ARID5B: variants seen among roughly 807,000 people sequenced by gnomAD.
The protein encoded by ARID5B is AT-rich interaction domain 5B.
A neutral mutation model predicts 97.2 loss-of-function variants in ARID5B; 13 were observed. The ratio of observed to expected loss-of-function variants is 0.13; its 90% CI spans 0.09 to 0.21. The LOEUF (loss-of-function observed/expected upper bound fraction) is 0.21. ARID5B is among the 10% of genes least tolerant of loss of function. The pLI is 1.00. For synonymous variants in ARID5B, 556 were observed against 570.3 expected (o/e 0.97, Z 0.36); for missense variants, 1,210 against 1,465.3 (o/e 0.83, Z 2.84).
At chr10:62,071,807 C>T (rs1343447740) in intron 8 of ARID5B, among the ~76,000 whole-genome samples, 2 of 152,028 alleles carry the variant, frequency 1.3e-5, no homozygotes, top group East Asian at 3.9e-4. Context: ...CTCTTCTCTC[C>T]CTATTCTTGG....
At chr10:61,950,559 A>T (rs1001640291) in intron 3 of ARID5B, among the ~76,000 whole-genome samples, 2 of 152,124 alleles carry the variant, frequency 1.3e-5, no homozygotes, top group African/African-American at 4.8e-5. Context: ...AGCCCCAGCT[A>T]CTCAGGAGGC....
chr10:61,964,409 G>T (rs1342554913), intron 3 of ARID5B, among the ~76,000 whole-genome samples: 2 of 152,116 alleles, frequency 1.3e-5, no homozygotes, highest in Non-Finnish European at 2.9e-5. Context: ...TTAACCCAGG[G>T]GCAGGAATCT....
At chr10:61,942,213 T>G (rs540709563) in intron 3 of ARID5B, among the ~76,000 whole-genome samples, 1 of 152,164 alleles carries the variant, frequency 6.6e-6, no homozygotes, top group Non-Finnish European at 1.5e-5. Flanking sequence ...TCTAATTTCT[T>G]AATTCCACCC....
intron 7 of ARID5B, 141 bp downstream of exon 7, chr10:62,059,436 C>T (rs1360331049): frequency 6.3e-6 from 4 of 636,012 alleles, no homozygotes; most frequent in Admixed American, 3.0e-5. Context: ...GTTTATTGGG[C>T]CGCTTTGGAA....
In ARID5B at chr10:62,093,122, TTTC is replaced by T; in HGVS notation, c.*97_*99del. ...TGGCTTATAGAGTTAGAAGTCAGTA[TTTC>T]TTCTAATCTGAGGCTATGATCAGTC... On this transcript the variant is annotated 3_prime_UTR_variant, in exon 10 of 10. Coordinates refer to ENST00000279873, the MANE Select transcript of ARID5B (RefSeq NM_032199.3). 2.7e-6 allele frequency: 4 copies of T among 1,495,196 alleles called. No homozygotes were observed. The highest frequency in any genetic ancestry group is 3.5e-6 in the Non-Finnish European group (4 of 1,127,002). 92.6% of individuals were successfully genotyped at this position (1,495,196 alleles called of 1,614,324 possible).
intron 3 of ARID5B, among the ~76,000 whole-genome samples, chr10:61,959,797 G>C (rs1222529516): frequency 6.6e-6 from 1 of 152,160 alleles, no homozygotes; most frequent in Non-Finnish European, 1.5e-5. Context: ...CGTGTGATAG[G>C]GAGGACAGGT....
chr10:61,913,555 G>A, intron 2 of ARID5B, among the ~76,000 whole-genome samples: 1 of 152,194 alleles, frequency 6.6e-6, no homozygotes, highest in South Asian at 2.1e-4. Context: ...CTGGTCGGCT[G>A]TTTTGTGGGG....
chr10:62,061,940 C>A (rs193286654), intron 7 of ARID5B, among the ~76,000 whole-genome samples: 28 of 152,308 alleles, frequency 1.8e-4, no homozygotes, highest in African/African-American at 6.0e-4. Flanking sequence ...GGCATTTCTG[C>A]TTCATCCCTT....
At chr10:61,994,301 G>A (rs576901057) in intron 3 of ARID5B, among the ~76,000 whole-genome samples, 61 of 152,096 alleles carry the variant, frequency 4.0e-4, no homozygotes, top group African/African-American at 1.4e-3. Flanking sequence ...GATTATAGTG[G>A]TTTTCAGTAA....
rs1838779278 is a variant in ARID5B, at chr10:61,981,727, G to A, written c.503-18364G>A. Among the ~76,000 whole-genome samples the A allele has an allele frequency of 2.0e-5, 3 of 152,132 alleles. No individual in the cohort carries two copies. In the South Asian group the frequency reaches 6.2e-4, roughly 32 times the overall value. On this transcript the variant is annotated intron_variant, in intron 3 of 9. Coordinates refer to ENST00000279873, the MANE Select transcript of ARID5B (RefSeq NM_032199.3). ...AGGTGTGTGAGATCTTCTCAGAGAT[G>A]GAACAAGTTCCTCAAGTTTATGATC...
At chr10:61,950,030 TGGAGGTTTGCTCTGTCACCCAGGCA>T (rs1433107283) in intron 3 of ARID5B, among the ~76,000 whole-genome samples, 23 of 152,130 alleles carry the variant, frequency 1.5e-4, no homozygotes, top group African/African-American at 5.5e-4. Flanking sequence ...TTTTTTGAGA[TGGAGGTTTGCTCTGTCACCCAGGCA>T]GGAGTGCAGT....
intron 4 of ARID5B, among the ~76,000 whole-genome samples, chr10:62,043,830 G>T (rs1275104331): frequency 6.6e-6 from 1 of 152,164 alleles, no homozygotes; most frequent in East Asian, 1.9e-4. Context: ...GTAAGACTGG[G>T]CATGTATTGG....
intron 3 of ARID5B, among the ~76,000 whole-genome samples, chr10:61,943,509 G>A (rs1016204650): frequency 6.7e-6 from 1 of 148,308 alleles, no homozygotes; most frequent in Non-Finnish European, 1.5e-5. Context: ...AGCAAAGAAC[G>A]GAAAGATCTC....
At chr10:61,969,465 C>G (rs972852573) in intron 3 of ARID5B, among the ~76,000 whole-genome samples, 2 of 151,934 alleles carry the variant, frequency 1.3e-5, no homozygotes, top group African/African-American at 4.8e-5. Flanking sequence ...AACAAAATTC[C>G]CTTCCTTCAT....
chr10:62,023,745 G>T (rs1307515263), intron 4 of ARID5B, among the ~76,000 whole-genome samples: 3 of 152,172 alleles, frequency 2.0e-5, no homozygotes, highest in African/African-American at 7.2e-5. Flanking sequence ...AGTAAGAATG[G>T]CACTTTTTAA....
intron 4 of ARID5B, among the ~76,000 whole-genome samples, chr10:62,018,485 A>G (rs767508661): frequency 2.0e-5 from 3 of 152,048 alleles, no homozygotes; most frequent in Non-Finnish European, 4.4e-5. Context: ...TGTAATACCA[A>G]TATCATTATT....
chr10:62,059,198 A>T (rs1839892927), intron 6 of ARID5B, 45 bp from the exon 7 acceptor site: 1 of 1,441,566 alleles, frequency 6.9e-7, no homozygotes, highest in African/African-American at 1.4e-5. Flanking sequence ...TCTTGGAAGT[A>T]TGTTAATGCA....
chr10:61,994,241 G>A (rs959980421), intron 3 of ARID5B, among the ~76,000 whole-genome samples: 2 of 152,116 alleles, frequency 1.3e-5, no homozygotes, highest in East Asian at 1.9e-4. Context: ...CTGGGGCGAA[G>A]GTTTTTTTTT....
intron 8 of ARID5B, among the ~76,000 whole-genome samples, chr10:62,073,117 C>T (rs1193848272): frequency 6.6e-6 from 1 of 152,182 alleles, no homozygotes; most frequent in African/African-American, 2.4e-5. Context: ...GTAAAGCCTT[C>T]CAAACCAAAT....
Sources: gnomAD v4.1 joint callset for allele counts (sites outside exome capture counted in the v4.1 genomes callset) on GRCh38, gnomAD v4.1.1 for gene constraint, MANE v1.5 for transcripts, NCBI Gene and HGNC (gene_info 2026-07-23, HGNC 2026-07-21) for gene names.